The following RASAL2 variants were observed in gnomAD, a reference collection of about 807,000 sequenced individuals.
The protein encoded by RASAL2 is RAS protein activator like 2, also known as ras GTPase-activating protein nGAP.
In RASAL2, 58 loss-of-function variants were observed where a neutral mutation model predicts 128.9. That is an observed-to-expected ratio of 0.45 (90% CI 0.36 to 0.56). RASAL2 has a LOEUF of 0.56. Among genes scored for constraint, RASAL2 ranks in the 20% least tolerant of loss-of-function variants. RASAL2 has a pLI of 0.00. For missense variants in RASAL2, 1,360 were observed against 1,601.6 expected, an observed-to-expected ratio of 0.85 and a Z score of 2.57; for synonymous variants, 561 against 580.8, an observed-to-expected ratio of 0.97 and a Z score of 0.49.
chr1:178,141,019 T>G lies in RASAL2; in HGVS notation c.202+46325T>G, dbSNP rs144823616. ...TGGCCAGAGTAGGAGCAAGAAGGAG[T>G]GGGGGAGGCACTACATACTTTTTAA... is the stretch of plus-strand genomic sequence containing the variant. On this transcript the variant is annotated intron_variant, in intron 1 of 17. Transcript: ENST00000367649. Among the ~76,000 whole-genome samples, 33 of 150,402 alleles carry G rather than the reference T, an allele frequency of 2.2e-4. No homozygotes were observed. The East Asian group carries it at 6.3e-3, about 29-fold the overall frequency.
rs1361637527 is a variant in RASAL2, at chr1:178,451,706, A to C, written c.1763A>C (p.Asn588Thr). ...GAGCTGGCTTTCTGCAAGATCATCA[A>C]CTCTTACTGGTGAGCTTATCTTATC... Reference protein sequence around the residue: ...CCELAFCKIINSYCVFPRELK... With the variant: ...CCELAFCKIITSYCVFPRELK... Residue 588 changes from asparagine to threonine, a missense_variant, in exon 10 of 18, where the codon AAC becomes ACC. Physicochemically the swap from Asn to Thr is moderately conservative, Grantham distance 65. This residue lies in a region of RASAL2 where 741 missense variants were observed against 868.6 expected (regional missense o/e 0.85). Coordinates refer to ENST00000367649, the MANE Select transcript of RASAL2 (RefSeq NM_170692.4). The C allele has an allele frequency of 6.2e-7, 1 of 1,613,094 alleles. No individual in the cohort carries two copies. The highest frequency in any genetic ancestry group is 8.5e-7 in the Non-Finnish European group (1 of 1,179,502).
At chr1:178,349,251 T>C in intron 3 of RASAL2, among the ~76,000 whole-genome samples, 1 of 139,320 alleles carries the variant, frequency 7.2e-6, no homozygotes, top group African/African-American at 2.8e-5. Context: ...AAACCCTGTC[T>C]CTACTTTAAA....
At chr1:178,298,385 A>G (rs975255653) in intron 2 of RASAL2, among the ~76,000 whole-genome samples, 4 of 152,208 alleles carry the variant, frequency 2.6e-5, no homozygotes, top group Admixed American at 2.6e-4. Flanking sequence ...GAGTAACCAT[A>G]GTTATGGTAA....
chr1:178,354,268 G>T (rs137885230), intron 3 of RASAL2, among the ~76,000 whole-genome samples: 1 of 152,084 alleles, frequency 6.6e-6, no homozygotes, highest in Non-Finnish European at 1.5e-5. Context: ...AAATCATCTC[G>T]ATTGAGCAAA....
At position 178,464,540 on chromosome 1, in the gene RASAL2, A is replaced by G. The variant is rs574935445; in HGVS notation, c.3387+128A>G. ...CTCTACCCCTTATGTTAATCATCCT[A>G]TACATATCTATGTAAAATAGGTCAG... On this transcript the variant is annotated intron_variant, in intron 15 of 17. Transcript: ENST00000367649. 34 of 1,018,162 alleles carry G rather than the reference A, an allele frequency of 3.3e-5. No individual in the cohort carries two copies. In the African/African-American group the frequency reaches 5.0e-4, roughly 15 times the overall value. The allele number at this position is 1,018,162 out of a possible 1,614,324, so 63.1% of individuals were successfully genotyped here. A position where few individuals can be genotyped will look rare whatever the true frequency, so the allele number is the denominator to read the frequency against.
intron 4 of RASAL2, among the ~76,000 whole-genome samples, chr1:178,407,234 G>GTAGTTA (rs1674055625): frequency 3.3e-5 from 5 of 152,150 alleles, no homozygotes; most frequent in Admixed American, 2.6e-4. Context: ...CTCCCTTCCT[G>GTAGTTA]TTTGGACTTC....
At chr1:178,133,628 G>C (rs967194170) in intron 1 of RASAL2, among the ~76,000 whole-genome samples, 4 of 152,048 alleles carry the variant, frequency 2.6e-5, no homozygotes, top group Admixed American at 2.6e-4. Context: ...AGGTACTTTA[G>C]GGTTATTAGG....
At position 178,418,947 on chromosome 1, in the gene RASAL2, AC is replaced by A. The variant is rs370576256; in HGVS notation, c.565-1563del. Among the ~76,000 whole-genome samples, 33 of 152,324 alleles carry A rather than the reference AC, an allele frequency of 2.2e-4. No individual in the cohort carries two copies. The East Asian group carries it at 6.0e-3, about 28-fold the overall frequency. On this transcript the variant is annotated intron_variant, in intron 4 of 17. Transcript: ENST00000367649. ...AAGTTCCTGAGTAAGGACAGCATAGACAGGATCCCACCCCCTCAGTTGACCT... is the reference window on the plus strand; with the variant it reads ...AAGTTCCTGAGTAAGGACAGCATAGAAGGATCCCACCCCCTCAGTTGACCT...
chr1:178,457,708 A>T lies in RASAL2; in HGVS notation c.2416A>T (p.Ser806Cys), dbSNP rs779900593. 1 of 1,614,096 alleles carries T rather than the reference A, an allele frequency of 6.2e-7. No homozygotes were observed. The highest frequency in any genetic ancestry group is 1.7e-5 in the Admixed American group (1 of 60,022). Residue 806 changes from serine to cysteine, a missense_variant, in exon 14 of 18, where the codon AGC becomes TGC. This residue lies in a region of RASAL2 where 741 missense variants were observed against 868.6 expected (regional missense o/e 0.85). Coordinates refer to ENST00000367649, the MANE Select transcript of RASAL2 (RefSeq NM_170692.4). Reference sequence around the variant, plus strand: ...TGATTTGCATAAACTAAAATCTCCAAGCCAGGACAACACAGACAGCTACTT... The same window carrying T: ...TGATTTGCATAAACTAAAATCTCCATGCCAGGACAACACAGACAGCTACTT... The part of the protein sequence containing the change: ...DSDLHKLKSP[S>C]QDNTDSYFRG...
intron 1 of RASAL2, among the ~76,000 whole-genome samples, chr1:178,131,327 C>T (rs1660106923): frequency 6.6e-6 from 1 of 151,188 alleles, no homozygotes; most frequent in South Asian, 2.1e-4. Flanking sequence ...CTGCCTCAGC[C>T]TCCTGAGTAG....
At chr1:178,277,576 C>T (rs1000353341) in intron 1 of RASAL2, among the ~76,000 whole-genome samples, 7 of 152,116 alleles carry the variant, frequency 4.6e-5, no homozygotes, top group Non-Finnish European at 5.9e-5. Context: ...TTCAGAGTTG[C>T]GAAGAATTTG....
At chr1:178,284,443 A>G (rs1666925604) in intron 2 of RASAL2, among the ~76,000 whole-genome samples, 1 of 152,208 alleles carries the variant, frequency 6.6e-6, no homozygotes, top group Non-Finnish European at 1.5e-5. Context: ...AGCTTCCTGA[A>G]ACATGTAACA....
intron 3 of RASAL2, among the ~76,000 whole-genome samples, chr1:178,384,270 GA>G (rs1280793664): frequency 3.9e-5 from 6 of 152,240 alleles, no homozygotes; most frequent in Non-Finnish European, 8.8e-5. Context: ...TGTAACTTGA[GA>G]ATTTTACTAT....
chr1:178,121,103 C>T (rs933225563), intron 1 of RASAL2: 1 of 152,158 alleles, frequency 6.6e-6, no homozygotes, highest in African/African-American at 2.4e-5. Context: ...TATCGTCAGA[C>T]TTACTGGTTT....
At chr1:178,152,712 A>G (rs1160401491) in intron 1 of RASAL2, among the ~76,000 whole-genome samples, 3 of 152,158 alleles carry the variant, frequency 2.0e-5, no homozygotes, top group Admixed American at 2.0e-4. Flanking sequence ...TTCGGTAGAA[A>G]ATTTTATACA....
intron 4 of RASAL2, among the ~76,000 whole-genome samples, chr1:178,396,725 T>C (rs1424768582): frequency 1.3e-5 from 2 of 151,818 alleles, no homozygotes; most frequent in Non-Finnish European, 2.9e-5. Flanking sequence ...TTCTTTTATA[T>C]TAAACATCTA....
rs548055493 is a variant in RASAL2, at chr1:178,382,180, T to C, written c.458-7920T>C. 3.3e-5 allele frequency among the ~76,000 whole-genome samples: 5 copies of C among 152,326 alleles called. No individual in the cohort carries two copies. In the East Asian group the frequency reaches 9.6e-4, roughly 29 times the overall value. Reference sequence around the variant, plus strand: ...GTTTATTTTGGAGGGCTCTTGTCACTTTTTTGTTCAAGGGATCAGTATTAG... The same window carrying C: ...GTTTATTTTGGAGGGCTCTTGTCACCTTTTTGTTCAAGGGATCAGTATTAG... On this transcript the variant is annotated intron_variant, in intron 3 of 17. Transcript: ENST00000367649.
At chr1:178,135,075 G>A (rs1034115049) in intron 1 of RASAL2, among the ~76,000 whole-genome samples, 20 of 152,266 alleles carry the variant, frequency 1.3e-4, no homozygotes, top group Admixed American at 1.3e-3. Context: ...ATCAAACAAG[G>A]TCAATTTTGG....
chr1:178,181,561 C>T (rs959361585), intron 1 of RASAL2, among the ~76,000 whole-genome samples: 4 of 151,902 alleles, frequency 2.6e-5, no homozygotes, highest in East Asian at 1.9e-4. Flanking sequence ...GTTTCACCGT[C>T]GTTGATTTAG....
Sources: allele counts gnomAD v4.1 joint callset (sites outside exome capture counted in the v4.1 genomes callset), GRCh38; gene constraint gnomAD v4.1.1; regional missense constraint gnomAD v4.1.1; transcripts MANE v1.5; gene names NCBI Gene and HGNC (gene_info 2026-07-23, HGNC 2026-07-21).